Variants in CLVS1 observed in about 807,000 individuals in gnomAD.
CLVS1 encodes the protein clavesin 1.
Under a neutral mutation model 33.1 loss-of-function variants are expected in CLVS1, and 10 were observed. That is an observed-to-expected ratio of 0.30 (90% CI 0.19 to 0.51). The LOEUF (loss-of-function observed/expected upper bound fraction) is 0.51. CLVS1 is among the 20% of genes least tolerant of loss of function. The pLI, the probability that CLVS1 is intolerant of heterozygous loss-of-function variation, is 0.97. For missense variants in CLVS1, 343 were observed against 433.4 expected, an observed-to-expected ratio of 0.79 and a Z score of 1.85; for synonymous variants, 163 against 166.1, an observed-to-expected ratio of 0.98 and a Z score of 0.14.
At chr8:61,151,816 G>T (rs1806543275) in intron 2 of CLVS1, among the ~76,000 whole-genome samples, 2 of 152,252 alleles carry the variant, frequency 1.3e-5, no homozygotes, top group Middle Eastern at 3.4e-3. Context: ...CCCTTGCTAG[G>T]GGTGATCCAG....
At chr8:61,266,620 C>A (rs894145190) in intron 2 of CLVS1, among the ~76,000 whole-genome samples, 1 of 152,164 alleles carries the variant, frequency 6.6e-6, no homozygotes, top group Non-Finnish European at 1.5e-5. Context: ...CCTCTTTGCT[C>A]CTTCCTGTAA....
intron 1 of CLVS1, among the ~76,000 whole-genome samples, chr8:61,104,125 G>C (rs1805495132): frequency 6.6e-6 from 1 of 152,134 alleles, no homozygotes; most frequent in South Asian, 2.1e-4. Flanking sequence ...AGCAAATTTA[G>C]CTCATTGTTC....
chr8:61,215,520 C>T (rs9886490), intron 2 of CLVS1, among the ~76,000 whole-genome samples: 38,751 of 129,030 alleles, frequency 0.3, 5,941 homozygotes, highest in East Asian at 0.75. Context: ...TAAAGTTTAA[C>T]GGATGTCTTT....
chr8:61,118,646 G>T (rs1354769506), intron 1 of CLVS1, among the ~76,000 whole-genome samples: 1 of 151,638 alleles, frequency 6.6e-6, no homozygotes, highest in Non-Finnish European at 1.5e-5. Flanking sequence ...AGTCATTCAG[G>T]AGCAGGTTGT....
intron 2 of CLVS1, among the ~76,000 whole-genome samples, chr8:61,355,954 G>T (rs940676532): frequency 1.3e-5 from 2 of 152,194 alleles, no homozygotes; most frequent in African/African-American, 4.8e-5. Flanking sequence ...GAGTCAAATG[G>T]TATTTCTACT....
At chr8:61,139,559 G>A (rs1308450899) in intron 2 of CLVS1, among the ~76,000 whole-genome samples, 1 of 152,172 alleles carries the variant, frequency 6.6e-6, no homozygotes, top group Non-Finnish European at 1.5e-5. Flanking sequence ...GCGGAGGCCG[G>A]GGGCGGGGGC....
At chr8:60,994,693 T>C in the CLVS1 span, among the ~76,000 whole-genome samples, 96 of 152,340 alleles carry the variant, frequency 6.3e-4, 1 homozygote, top group African/African-American at 2.2e-3. Context: ...GACTTGGCAA[T>C]GCGGGCTCTT....
chr8:61,153,620 C>T (rs1806589255), intron 2 of CLVS1, among the ~76,000 whole-genome samples: 1 of 152,102 alleles, frequency 6.6e-6, no homozygotes, highest in Non-Finnish European at 1.5e-5. Context: ...GGTCGGGGAG[C>T]TGAGAGACTG....
rs115779229 is a variant in CLVS1, at chr8:61,218,705, C to T, written c.-151-80972C>T. Among the ~76,000 whole-genome samples the T allele has an allele frequency of 5.1e-3, 748 of 146,200 alleles. 11 individuals are homozygous for T. Among genetic ancestry groups the T allele is most frequent in the African/African-American group, 0.018 (712 of 39,570 alleles). On this transcript the variant is annotated intron_variant, in intron 2 of 2. Coordinates refer to the CLVS1 transcript ENST00000522621. ...GTCTCAGCACTTTGGGAGGCTGAGGCGGGTGGACAGCTTGAGGTCAGGAGT... is the reference window on the plus strand; with the variant it reads ...GTCTCAGCACTTTGGGAGGCTGAGGTGGGTGGACAGCTTGAGGTCAGGAGT...
At chr8:61,075,743 T>A (rs959055949) in intron 1 of CLVS1, among the ~76,000 whole-genome samples, 1 of 152,234 alleles carries the variant, frequency 6.6e-6, no homozygotes, top group Non-Finnish European at 1.5e-5. Context: ...TGATTGCCCA[T>A]GCAGTGTGGC....
the CLVS1 span, among the ~76,000 whole-genome samples, chr8:61,050,628 GCA>G: frequency 1.9e-4 from 24 of 126,390 alleles, no homozygotes; most frequent in South Asian, 8.7e-4. Flanking sequence ...GCTGACCTGG[GCA>G]CACAGAGGGT....
the CLVS1 span, among the ~76,000 whole-genome samples, chr8:61,047,536 C>T: frequency 6.6e-6 from 1 of 152,168 alleles, no homozygotes; most frequent in Non-Finnish European, 1.5e-5. Context: ...AGACTTGGAA[C>T]CAACCCAAAT....
At chr8:61,439,427 T>A (rs1816461502) in intron 3 of CLVS1, among the ~76,000 whole-genome samples, 1 of 152,228 alleles carries the variant, frequency 6.6e-6, no homozygotes, top group African/African-American at 2.4e-5. Context: ...TTCCATTGTT[T>A]GAACTCAGTT....
At chr8:61,480,031 G>C (rs1818123992) in intron 5 of CLVS1, among the ~76,000 whole-genome samples, 1 of 152,262 alleles carries the variant, frequency 6.6e-6, no homozygotes, top group Non-Finnish European at 1.5e-5. Context: ...TCAGGGGTCA[G>C]GGACCCATTT....
chr8:61,438,645 A>G (rs1390480693), intron 3 of CLVS1, among the ~76,000 whole-genome samples: 1 of 152,150 alleles, frequency 6.6e-6, no homozygotes, highest in Non-Finnish European at 1.5e-5. Flanking sequence ...ATTCCCACCA[A>G]CTGGGTAAAA....
chr8:61,211,375 T>A (rs1376281021), intron 2 of CLVS1, among the ~76,000 whole-genome samples: 1 of 149,108 alleles, frequency 6.7e-6, no homozygotes, highest in African/African-American at 2.5e-5. Context: ...TCTCCTTCTT[T>A]CCCTTCTCTT....
rs1441190478 is a variant in CLVS1, at chr8:61,289,640, G to C, written c.-152+1502G>C. 3.3e-5 allele frequency among the ~76,000 whole-genome samples: 5 copies of C among 152,288 alleles called. No individual in the cohort carries two copies. The South Asian group carries it at 8.3e-4, about 25-fold the overall frequency. ...AAAGTTTAAACCAGAGCACAGAAAA[G>C]CTTGATTTTAAAATTGTCGTTGTGT... is the stretch of plus-strand genomic sequence containing the variant. On this transcript the variant is annotated intron_variant, in intron 1 of 5. Transcript: ENST00000325897.
chr8:61,418,228 G>T (rs1212869256), intron 3 of CLVS1, among the ~76,000 whole-genome samples: 1 of 152,012 alleles, frequency 6.6e-6, no homozygotes, highest in East Asian at 1.9e-4. Context: ...TTAGAGTCAG[G>T]CATGTTGGTG....
chr8:61,496,306 G>T (rs949679391), intron 5 of CLVS1, among the ~76,000 whole-genome samples: 1 of 152,110 alleles, frequency 6.6e-6, no homozygotes, highest in Non-Finnish European at 1.5e-5. Flanking sequence ...TTTTCCACAG[G>T]GTCCGTAGGT....
Sources: gnomAD v4.1 joint callset for allele counts (sites outside exome capture counted in the v4.1 genomes callset) on GRCh38, gnomAD v4.1.1 for gene constraint, MANE v1.5 for transcripts, NCBI Gene and HGNC (gene_info 2026-07-23, HGNC 2026-07-21) for gene names.